Variants in ATP8A2 observed in about 807,000 individuals in gnomAD.
The protein encoded by ATP8A2 is ATPase phospholipid transporting 8A2, also known as phospholipid-transporting ATPase IB.
In ATP8A2, 100 loss-of-function variants were observed where a neutral mutation model predicts 165.6. The ratio of observed to expected loss-of-function variants is 0.60; its 90% CI spans 0.51 to 0.71. ATP8A2 has a LOEUF of 0.71. ATP8A2 is among the 30% of genes least tolerant of loss of function. ATP8A2 has a pLI of 0.00. For missense variants in ATP8A2, 1,227 were observed against 1,479.5 expected (o/e 0.83, Z 2.80); for synonymous variants, 543 against 548.8 (o/e 0.99, Z 0.15).
rs185228904 is a variant in ATP8A2, at chr13:25,706,316, A to G, written c.2384+6971A>G. On this transcript the variant is annotated intron_variant, in intron 25 of 36. Coordinates refer to ENST00000381655, the MANE Select transcript of ATP8A2 (RefSeq NM_016529.6). ...ACACACTGGCAGTGTATCATTCCCA[A>G]CGTCAGGTCAGTCTTCCAGCCTATC... Among the ~76,000 whole-genome samples, 521 of 152,238 alleles carry G rather than the reference A, an allele frequency of 3.4e-3. 2 individuals carry two copies. The highest frequency in any genetic ancestry group is 0.012 in the African/African-American group (494 of 41,544).
At chr13:25,532,216 C>T in intron 4 of ATP8A2, 56 bp from the exon 5 acceptor site, 2 of 1,369,700 alleles carry the variant, frequency 1.5e-6, no homozygotes, top group Non-Finnish European at 2.1e-6. Context: ...TTTGCTATTT[C>T]AATTATTCAT....
intron 2 of ATP8A2, among the ~76,000 whole-genome samples, chr13:25,524,213 C>T (rs1286050608): frequency 6.6e-6 from 1 of 151,922 alleles, no homozygotes; most frequent in Non-Finnish European, 1.5e-5. Flanking sequence ...TCATTGTGGT[C>T]AGAAAAAAAT....
At chr13:25,629,999 T>C (rs2041198800) in intron 24 of ATP8A2, among the ~76,000 whole-genome samples, 1 of 152,188 alleles carries the variant, frequency 6.6e-6, no homozygotes, top group Non-Finnish European at 1.5e-5. Flanking sequence ...GTGTTGGCAA[T>C]TTCTTTCAAA....
chr13:25,594,100 A>T (rs1195151223), intron 24 of ATP8A2, among the ~76,000 whole-genome samples: 1 of 152,216 alleles, frequency 6.6e-6, no homozygotes, highest in East Asian at 1.9e-4. Flanking sequence ...GTAACATGAA[A>T]TTGTAGGAAT....
chr13:25,393,189 G>A (rs1430007306), intron 1 of ATP8A2, among the ~76,000 whole-genome samples: 4 of 148,698 alleles, frequency 2.7e-5, no homozygotes, highest in East Asian at 1.9e-4. Flanking sequence ...GAGTACAGTG[G>A]CATGATCATA....
intron 1 of ATP8A2, among the ~76,000 whole-genome samples, chr13:25,429,476 G>A (rs1349372421): frequency 6.6e-6 from 1 of 151,950 alleles, no homozygotes; most frequent in East Asian, 1.9e-4. Flanking sequence ...CCCCAAGAAG[G>A]AAAATGGTCA....
At chr13:25,495,837 G>A (rs894060627) in intron 2 of ATP8A2, among the ~76,000 whole-genome samples, 1 of 151,948 alleles carries the variant, frequency 6.6e-6, no homozygotes. Flanking sequence ...TTCATACTGT[G>A]TATACCTTGA....
At chr13:25,711,577 A>C (rs555724634) in intron 25 of ATP8A2, among the ~76,000 whole-genome samples, 3 of 152,214 alleles carry the variant, frequency 2.0e-5, no homozygotes, top group African/African-American at 7.2e-5. Context: ...TTTTAAAGCA[A>C]ACAGAGCCTT....
intron 34 of ATP8A2, among the ~76,000 whole-genome samples, chr13:25,962,661 T>C (rs779486342): frequency 6.6e-6 from 1 of 152,182 alleles, no homozygotes; most frequent in Non-Finnish European, 1.5e-5. Flanking sequence ...GGCTTTACTT[T>C]GGGCAAAACA....
chr13:25,588,321 T>G (rs1285657477), intron 23 of ATP8A2, among the ~76,000 whole-genome samples: 1 of 152,142 alleles, frequency 6.6e-6, no homozygotes, highest in Non-Finnish European at 1.5e-5. Flanking sequence ...CACAACATGG[T>G]TTTTCTTGGT....
chr13:25,395,055 T>C (rs2033374242), intron 1 of ATP8A2, among the ~76,000 whole-genome samples: 1 of 152,222 alleles, frequency 6.6e-6, no homozygotes, highest in South Asian at 2.1e-4. Flanking sequence ...GGTCTCTCTC[T>C]ATATACATAC....
rs911359916 is a variant in ATP8A2 at position 25,493,579 on chromosome 13, G to A, written c.221+24458G>A. Among the ~76,000 whole-genome samples, 6 of 152,288 alleles carry A rather than the reference G, an allele frequency of 3.9e-5. No individual in the cohort carries two copies. In the East Asian group the frequency reaches 5.8e-4, roughly 15 times the overall value. On this transcript the variant is annotated intron_variant, in intron 2 of 36. Transcript: ENST00000381655. ...AAGTGAAGACATCAGTTGTCATCAC[G>A]TTGATCTTGCAGAGTCTGTGGACAT...
In ATP8A2 at chr13:25,728,775, C is replaced by G. The variant is rs375202224; in HGVS notation, c.2384+29430C>G. 6.6e-5 allele frequency among the ~76,000 whole-genome samples: 10 copies of G among 152,238 alleles called. No homozygotes were observed. The South Asian group carries it at 2.1e-3, about 32-fold the overall frequency. On this transcript the variant is annotated intron_variant, in intron 25 of 36. Coordinates refer to ENST00000381655, the MANE Select transcript of ATP8A2 (RefSeq NM_016529.6). ...TCTCATTCTGTTTTACCCCTGCAGACTTTTGATTAGACATCTTCATTGCAT... is the reference window on the plus strand; with the variant it reads ...TCTCATTCTGTTTTACCCCTGCAGAGTTTTGATTAGACATCTTCATTGCAT...
At chr13:25,480,125 C>G (rs1284829241) in intron 2 of ATP8A2, among the ~76,000 whole-genome samples, 5 of 140,002 alleles carry the variant, frequency 3.6e-5, no homozygotes, top group Admixed American at 2.1e-4. Context: ...GGGGGGCTGA[C>G]CCCCCACCTC....
intron 24 of ATP8A2, among the ~76,000 whole-genome samples, chr13:25,597,147 A>G (rs1269424103): frequency 6.6e-6 from 1 of 152,236 alleles, no homozygotes; most frequent in Non-Finnish European, 1.5e-5. Context: ...TTCTGAATAT[A>G]TAATTTGGAT....
intron 1 of ATP8A2, among the ~76,000 whole-genome samples, chr13:25,396,361 G>C (rs2033424851): frequency 6.6e-6 from 1 of 152,098 alleles, no homozygotes; most frequent in African/African-American, 2.4e-5. Context: ...CTTTTTTTAG[G>C]TTTTATGGCT....
At chr13:26,002,223 G>A (rs1956641591) in intron 35 of ATP8A2, among the ~76,000 whole-genome samples, 1 of 152,140 alleles carries the variant, frequency 6.6e-6, no homozygotes. Flanking sequence ...TTGTGCAATA[G>A]ATCTTAAAAC....
chr13:25,699,054 T>G (rs2042894361), intron 24 of ATP8A2, 119 bp from the exon 25 acceptor site: 1 of 751,702 alleles, frequency 1.3e-6, no homozygotes, highest in Non-Finnish European at 2.0e-6. Context: ...GCTGAACTGA[T>G]AGTATATTTA....
intron 25 of ATP8A2, among the ~76,000 whole-genome samples, chr13:25,762,002 C>G (rs1347533651): frequency 6.6e-6 from 1 of 151,996 alleles, no homozygotes; most frequent in East Asian, 1.9e-4. Context: ...TGGCTCATGC[C>G]TGTAATCTCA....
Sources: gnomAD v4.1 joint callset for allele counts (sites outside exome capture counted in the v4.1 genomes callset) on GRCh38, gnomAD v4.1.1 for gene constraint, MANE v1.5 for transcripts, NCBI Gene and HGNC (gene_info 2026-07-23, HGNC 2026-07-21) for gene names.